SLC6A11: variants seen among roughly 807,000 people sequenced by gnomAD.
SLC6A11 encodes the protein solute carrier family 6 member 11, also known as sodium- and chloride-dependent GABA transporter 3.
In SLC6A11, 25 loss-of-function variants were observed where a neutral mutation model predicts 74.8. The ratio of observed to expected loss-of-function variants is 0.33; its 90% CI spans 0.24 to 0.47. The LOEUF (loss-of-function observed/expected upper bound fraction) is 0.47, where lower values mean the gene tolerates loss of function less well. SLC6A11 is among the 20% of genes least tolerant of loss of function. The pLI, the probability that SLC6A11 is intolerant of heterozygous loss-of-function variation, is 1.00. For missense variants in SLC6A11, 574 were observed against 837.0 expected (o/e 0.69, Z 3.88); for synonymous variants, 330 against 330.2 (o/e 1.00, Z 0.01).
intron 4 of SLC6A11, chr3:10,824,274 A>T (rs989849635): frequency 1.1e-4 from 17 of 152,176 alleles, no homozygotes; most frequent in African/African-American, 4.1e-4. Context: ...AGTTTCCTGT[A>T]TGGGTCAAAG....
At chr3:10,913,594 C>T (rs576286925) in intron 7 of SLC6A11, among the ~76,000 whole-genome samples, 13 of 152,306 alleles carry the variant, frequency 8.5e-5, no homozygotes, top group East Asian at 5.8e-4. Flanking sequence ...ATCCCAACAA[C>T]GTATGATACA....
chr3:10,933,093 C>T (rs1575709131), intron 10 of SLC6A11, 58 bp from the exon 11 acceptor site: 1 of 1,242,402 alleles, frequency 8.0e-7, no homozygotes, highest in Non-Finnish European at 1.2e-6. Flanking sequence ...GATGGCTGAC[C>T]CTGCTCTCCC....
intron 6 of SLC6A11, among the ~76,000 whole-genome samples, chr3:10,876,292 C>T (rs966243799): frequency 6.6e-6 from 1 of 152,232 alleles, no homozygotes; most frequent in Non-Finnish European, 1.5e-5. Context: ...TTCTGAATTG[C>T]AGGCAGAATC....
chr3:10,913,297 G>T (rs1481277585), intron 7 of SLC6A11, among the ~76,000 whole-genome samples: 1 of 152,228 alleles, frequency 6.6e-6, no homozygotes, highest in South Asian at 2.1e-4. Flanking sequence ...GAACTAAGTG[G>T]CAGATTGGTC....
intron 6 of SLC6A11, among the ~76,000 whole-genome samples, chr3:10,885,597 TAAAAA>T (rs35167441): frequency 3.6e-5 from 5 of 138,504 alleles, no homozygotes; most frequent in African/African-American, 1.3e-4. Flanking sequence ...GCCCCCATGA[TAAAAA>T]AAAAAAAAAA....
In SLC6A11 at chr3:10,913,438, C is replaced by T. The variant is rs2106626339; in HGVS notation, c.995+1245C>T. 2.6e-5 allele frequency among the ~76,000 whole-genome samples: 4 copies of T among 152,288 alleles called. No individual in the cohort carries two copies. The Middle Eastern group carries it at 0.014, about 518-fold the overall frequency. On this transcript the variant is annotated intron_variant, in intron 7 of 13. Coordinates refer to ENST00000254488, the MANE Select transcript of SLC6A11 (RefSeq NM_014229.3). ...GCTTTTCCCACTTCCACCTTCTATA[C>T]AGCTTAAATGGGTGTGTTTTGTTTA...
chr3:10,875,815 G>T (rs1433178867), intron 6 of SLC6A11, among the ~76,000 whole-genome samples: 1 of 152,178 alleles, frequency 6.6e-6, no homozygotes, highest in Non-Finnish European at 1.5e-5. Context: ...AAGCCTGGTG[G>T]TTCTCAACCT....
intron 5 of SLC6A11, among the ~76,000 whole-genome samples, chr3:10,862,598 T>G (rs1262175471): frequency 6.6e-6 from 1 of 152,234 alleles, no homozygotes; most frequent in Non-Finnish European, 1.5e-5. Flanking sequence ...CCTGGAGAAC[T>G]CTGCCTGCTT....
At chr3:10,927,422 G>T (rs183490881) in intron 9 of SLC6A11, among the ~76,000 whole-genome samples, 19 of 152,322 alleles carry the variant, frequency 1.2e-4, no homozygotes, top group Admixed American at 1.2e-3. Context: ...GTGTGCCTTG[G>T]ATATATTCTC....
chr3:10,829,662 C>G (rs1694267832), intron 4 of SLC6A11, among the ~76,000 whole-genome samples: 1 of 152,180 alleles, frequency 6.6e-6, no homozygotes, highest in African/African-American at 2.4e-5. Context: ...TCTGCCTGCT[C>G]CTCTGAATAT....
At chr3:10,868,743 C>T (rs894995217) in intron 5 of SLC6A11, among the ~76,000 whole-genome samples, 3 of 152,218 alleles carry the variant, frequency 2.0e-5, no homozygotes, top group African/African-American at 7.2e-5. Flanking sequence ...CTGCATAGTT[C>T]AGCATAATGC....
At chr3:10,933,820 TTCA>T in intron 11 of SLC6A11, 1 of 366,536 alleles carries the variant, frequency 2.7e-6, no homozygotes, top group East Asian at 4.9e-5. Context: ...CTCCCAGAAA[TTCA>T]TCATTTCCTG....
chr3:10,863,061 G>C (rs568670735), intron 5 of SLC6A11, among the ~76,000 whole-genome samples: 3 of 152,228 alleles, frequency 2.0e-5, no homozygotes, highest in Admixed American at 6.5e-5. Context: ...TGTTCTTACC[G>C]TGTTATTGAG....
chr3:10,835,420 T>C (rs940893491), intron 4 of SLC6A11, among the ~76,000 whole-genome samples: 6 of 152,302 alleles, frequency 3.9e-5, no homozygotes, highest in African/African-American at 1.2e-4. Context: ...GCTGCGGCAG[T>C]TCCTCCGTCT....
At position 10,869,585 on chromosome 3, in the gene SLC6A11, G is replaced by A. The variant is rs188304729; in HGVS notation, c.757-5376G>A. On this transcript the variant is annotated intron_variant, in intron 5 of 13. Transcript: ENST00000254488. The stretch of plus-strand genomic sequence containing the variant: ...CAAGGAGGCCTAAGAGGCCTGGCAC[G>A]TTCCCCAATAGCAGGGAACCTGGTA... Among the ~76,000 whole-genome samples, 13 of 152,348 alleles carry A rather than the reference G, an allele frequency of 8.5e-5. No homozygotes were observed. The East Asian group carries it at 1.4e-3, about 16-fold the overall frequency.
At chr3:10,833,634 A>C (rs1465415236) in intron 4 of SLC6A11, among the ~76,000 whole-genome samples, 1 of 152,180 alleles carries the variant, frequency 6.6e-6, no homozygotes, top group Non-Finnish European at 1.5e-5. Context: ...TTTGGGGCCA[A>C]CAGTAAGAAT....
At chr3:10,848,767 G>T (rs2106588198) in intron 5 of SLC6A11, among the ~76,000 whole-genome samples, 1 of 152,262 alleles carries the variant, frequency 6.6e-6, no homozygotes, top group Middle Eastern at 3.4e-3. Flanking sequence ...ATACAACTTG[G>T]GGATTCTCAT....
At chr3:10,909,762 CT>C (rs543177983) in intron 6 of SLC6A11, among the ~76,000 whole-genome samples, 11 of 152,226 alleles carry the variant, frequency 7.2e-5, no homozygotes, top group Admixed American at 2.0e-4. Flanking sequence ...GCTCACTGGC[CT>C]TACTAAGCAG....
chr3:10,873,996 T>C (rs2655273), intron 5 of SLC6A11, among the ~76,000 whole-genome samples: 1,722 of 128,318 alleles, frequency 0.013, 20 homozygotes, highest in South Asian at 0.029. Flanking sequence ...CGCTACGCTA[T>C]GCTATGCTAT....
Sources: allele counts gnomAD v4.1 joint callset (sites outside exome capture counted in the v4.1 genomes callset), GRCh38; gene constraint gnomAD v4.1.1; transcripts MANE v1.5; gene names NCBI Gene and HGNC (gene_info 2026-07-23, HGNC 2026-07-21).